Variants in CLCN5 observed in about 807,000 individuals in gnomAD.
CLCN5 encodes Cl-/H+ antiporter 5.
In CLCN5, 17 loss-of-function variants were observed where a neutral mutation model predicts 54.0. The ratio of observed to expected loss-of-function variants is 0.31; its 90% CI spans 0.22 to 0.47. The LOEUF is 0.47. Among genes scored for constraint, CLCN5 ranks in the 20% least tolerant of loss-of-function variants. CLCN5 has a pLI of 1.00. For missense variants in CLCN5, 448 were observed against 646.7 expected (o/e 0.69, Z 3.33); for synonymous variants, 222 against 233.0 (o/e 0.95, Z 0.43).
At chrX:49,945,238 T>C (rs1401589679) in intron 3 of CLCN5, 1 of 111,813 alleles carries the variant, frequency 8.9e-6, no homozygotes, top group African/African-American at 3.3e-5. Flanking sequence ...CCTGTTAATA[T>C]GGTCGCAAAT....
chrX:49,962,610 G>A (rs781885563), intron 3 of CLCN5, among the ~76,000 whole-genome samples: 1 of 111,761 alleles, frequency 8.9e-6, no homozygotes, highest in Non-Finnish European at 1.9e-5. Context: ...TTCTTGTTGA[G>A]CACATTCCAT....
At position 50,070,175 on chromosome X, in the gene CLCN5, A is replaced by T. The variant is rs142076983; in HGVS notation, c.315+145A>T. ...TTGGCAATATAGAGTTTCATTTTTA[A>T]ATTTATTTTTGAAGACATCTTGCAC... On this transcript the variant is annotated intron_variant, in intron 5 of 14. Coordinates refer to ENST00000376091, the MANE Select transcript of CLCN5 (RefSeq NM_001127898.4). 3,962 of 552,028 alleles carry T rather than the reference A, an allele frequency of 7.2e-3. 15 individuals are homozygous for T. Among genetic ancestry groups the T allele is most frequent in the Middle Eastern group, 0.011 (21 of 1,968 alleles). The allele number at this position is 552,028 out of a possible 1,213,427, so 45.5% of individuals were successfully genotyped here.
chrX:50,006,716 G>A (rs1490039627), intron 3 of CLCN5, among the ~76,000 whole-genome samples: 1 of 111,482 alleles, frequency 9.0e-6, no homozygotes, highest in Non-Finnish European at 1.9e-5. Context: ...ATGCACCTTG[G>A]CAGGGATTCA....
chrX:49,964,642 G>C (rs1483912372), intron 3 of CLCN5, among the ~76,000 whole-genome samples: 5 of 111,123 alleles, frequency 4.5e-5, no homozygotes, highest in Non-Finnish European at 7.5e-5. Flanking sequence ...CTGAAGTCTT[G>C]TTTATGCTAT....
intron 3 of CLCN5, among the ~76,000 whole-genome samples, chrX:49,987,461 AAT>A (rs1557178416): frequency 8.9e-6 from 1 of 111,984 alleles, no homozygotes. Flanking sequence ...TCTTTTAGAA[AAT>A]TACTAATAGC....
chrX:50,072,991 C>A (rs2147551882), intron 6 of CLCN5, among the ~76,000 whole-genome samples: 1 of 109,985 alleles, frequency 9.1e-6, no homozygotes, highest in Non-Finnish European at 1.9e-5. Flanking sequence ...TCTACTCTCT[C>A]ATTTGGTGAT....
rs782172153 is a variant in CLCN5 at position 50,092,598 on chromosome X, G to C, written c.*379G>C. 1.3e-4 allele frequency: 20 copies of C among 148,456 alleles called. No homozygotes were observed. Among genetic ancestry groups the C allele is most frequent in the Admixed American group, 2.3e-4 (3 of 13,226 alleles). 12.2% of individuals were successfully genotyped at this position (148,456 alleles called of 1,213,427 possible). Reference sequence around the variant, plus strand: ...GACCTATAACCTGTAGGAAACCGACGAAAAAGTCACTCTTTTGGGATCTAA... The same window carrying C: ...GACCTATAACCTGTAGGAAACCGACCAAAAAGTCACTCTTTTGGGATCTAA... On this transcript the variant is annotated 3_prime_UTR_variant, in exon 15 of 15. Coordinates refer to ENST00000376091, the MANE Select transcript of CLCN5 (RefSeq NM_001127898.4).
chrX:50,084,388 GT>G (rs1301392288), intron 9 of CLCN5, among the ~76,000 whole-genome samples: 6 of 104,971 alleles, frequency 5.7e-5, no homozygotes, highest in Non-Finnish European at 7.9e-5. Flanking sequence ...TTTTGTTTTT[GT>G]TTTTTTTTTG....
At chrX:49,973,535 ATCTT>A (rs1194209627) in intron 3 of CLCN5, among the ~76,000 whole-genome samples, 2 of 102,850 alleles carry the variant, frequency 1.9e-5, no homozygotes, top group Non-Finnish European at 3.9e-5. Flanking sequence ...AGTCCCTGGT[ATCTT>A]TCTTTCTTAA....
intron 3 of CLCN5, among the ~76,000 whole-genome samples, chrX:50,034,128 A>G (rs1782879926): frequency 8.9e-6 from 1 of 112,244 alleles, no homozygotes; most frequent in African/African-American, 3.2e-5. Flanking sequence ...CAAGATTTGC[A>G]TTTGATTTCC....
chrX:49,959,124 C>T (rs782582346), intron 3 of CLCN5, among the ~76,000 whole-genome samples: 3 of 111,427 alleles, frequency 2.7e-5, no homozygotes, highest in Non-Finnish European at 5.7e-5. Flanking sequence ...CACATTAGTC[C>T]ACTTAAGGTT....
intron 4 of CLCN5, among the ~76,000 whole-genome samples, chrX:50,060,264 G>C (rs782232850): frequency 1.4e-3 from 152 of 111,029 alleles, no homozygotes; most frequent in Admixed American, 3.2e-3. Flanking sequence ...TCTCACTAGG[G>C]AGTGCCAGAG....
At chrX:50,004,537 G>T (rs1051033962) in intron 3 of CLCN5, among the ~76,000 whole-genome samples, 2 of 110,999 alleles carry the variant, frequency 1.8e-5, no homozygotes, top group Non-Finnish European at 3.8e-5. Flanking sequence ...ATGGAAAAAG[G>T]GAAAGCTGAT....
Sources: allele counts gnomAD v4.1 joint callset (sites outside exome capture counted in the v4.1 genomes callset), GRCh38; gene constraint gnomAD v4.1.1; transcripts MANE v1.5; gene names NCBI Gene and HGNC (gene_info 2026-07-23, HGNC 2026-07-21).